CACNA1E: variants seen among roughly 807,000 people sequenced by gnomAD.
The protein encoded by CACNA1E is voltage-dependent R-type calcium channel subunit alpha-1E.
A neutral mutation model predicts 259.2 loss-of-function variants in CACNA1E; 40 were observed. That is an observed-to-expected ratio of 0.15 (90% CI 0.12 to 0.20). The LOEUF (loss-of-function observed/expected upper bound fraction) is 0.20. Among genes scored for constraint, CACNA1E ranks in the 10% least tolerant of loss-of-function variants. The pLI is 1.00. For missense variants in CACNA1E, 1,874 were observed against 3,040.1 expected, an observed-to-expected ratio of 0.62 and a Z score of 9.02; for synonymous variants, 1,104 against 1,138.5, an observed-to-expected ratio of 0.97 and a Z score of 0.61.
chr1:181,466,162 G>A (rs542910498), intron 2 of CACNA1E, among the ~76,000 whole-genome samples: 10 of 152,292 alleles, frequency 6.6e-5, no homozygotes, highest in Admixed American at 2.0e-4. Context: ...GTTCTTTAAG[G>A]GTTATAGCTT....
chr1:181,678,290 A>G (rs1260988224), intron 7 of CACNA1E, among the ~76,000 whole-genome samples: 1 of 152,164 alleles, frequency 6.6e-6, no homozygotes, highest in African/African-American at 2.4e-5. Flanking sequence ...TGGCTTTGAG[A>G]TTGGATATCA....
chr1:181,798,975 T>G lies in CACNA1E; in HGVS notation c.*141T>G. The G allele has an allele frequency of 2.7e-6, 2 of 730,122 alleles. No homozygotes were observed. The highest frequency in any genetic ancestry group is 4.1e-6 in the Non-Finnish European group (2 of 486,068). The allele number at this position is 730,122 out of a possible 1,614,324, so 45.2% of individuals were successfully genotyped here. A position where few individuals can be genotyped will look rare whatever the true frequency, so the allele number is the denominator to read the frequency against. On this transcript the variant is annotated 3_prime_UTR_variant, in exon 48 of 48. Coordinates refer to ENST00000367573, the MANE Select transcript of CACNA1E (RefSeq NM_001205293.3). This position sits in a 1 kb window ranked among gnomAD's most constrained non-coding sequence, Gnocchi z 4.2. ...CCATGCATTATCAGAGAAGAGGAAG[T>G]AAAGGACAATCAGAACACCAGTCAA...
At chr1:181,610,413 T>C (rs2103106970) in intron 6 of CACNA1E, among the ~76,000 whole-genome samples, 1 of 152,380 alleles carries the variant, frequency 6.6e-6, no homozygotes, top group African/African-American at 2.4e-5. Flanking sequence ...GCCCAAGTGC[T>C]ATGTCTTTGT....
chr1:181,776,640 G>A lies in CACNA1E; in HGVS notation c.5267+412G>A, dbSNP rs970506713. 3.9e-5 allele frequency among the ~76,000 whole-genome samples: 6 copies of A among 152,166 alleles called. No homozygotes were observed. The highest frequency in any genetic ancestry group is 7.3e-5 in the Non-Finnish European group (5 of 68,036). On this transcript the variant is annotated intron_variant, in intron 38 of 47. Coordinates refer to ENST00000367573, the MANE Select transcript of CACNA1E (RefSeq NM_001205293.3). This position sits in a 1 kb window ranked among gnomAD's most constrained non-coding sequence, Gnocchi z 4.4. ...TCAGTGACTGTGTTTTCTCTTTCTC[G>A]TTCCTCTCAACAGATACAGTTGGAT...
intron 1 of CACNA1E, among the ~76,000 whole-genome samples, chr1:181,349,718 T>A (rs1222925157): frequency 3.3e-5 from 5 of 151,766 alleles, no homozygotes; most frequent in Non-Finnish European, 7.4e-5. Context: ...CCAGGCTGCA[T>A]AGGGAGGACT....
At chr1:181,435,286 A>C (rs1199472998) in intron 2 of CACNA1E, among the ~76,000 whole-genome samples, 1 of 152,232 alleles carries the variant, frequency 6.6e-6, no homozygotes. Flanking sequence ...GGGAGGCAAT[A>C]TGCAGTTTTG....
At chr1:181,548,713 G>A (rs1647800351) in intron 3 of CACNA1E, among the ~76,000 whole-genome samples, 3 of 152,228 alleles carry the variant, frequency 2.0e-5, no homozygotes, top group Non-Finnish European at 4.4e-5. Flanking sequence ...CTGGGACTAA[G>A]GCCAGGCTAG....
At chr1:181,322,581 C>T (rs1027424249) in intron 1 of CACNA1E, among the ~76,000 whole-genome samples, 4 of 152,172 alleles carry the variant, frequency 2.6e-5, no homozygotes, top group Admixed American at 2.0e-4. Context: ...TTATGAATGT[C>T]ATCCTCATCC....
chr1:181,657,890 G>A lies in CACNA1E; in HGVS notation c.1055+6449G>A, dbSNP rs536193287. Among the ~76,000 whole-genome samples, 48 of 152,212 alleles carry A rather than the reference G, an allele frequency of 3.2e-4. No individual in the cohort carries two copies. The South Asian group carries it at 7.9e-3, about 25-fold the overall frequency. On this transcript the variant is annotated intron_variant, in intron 7 of 47. Transcript: ENST00000367573. Reference sequence around the variant, plus strand: ...GAGTGTTTGTTGGCATTCTTTGTTCGTGCCCAAGCACTGCTAGACGTTACT... The same window carrying A: ...GAGTGTTTGTTGGCATTCTTTGTTCATGCCCAAGCACTGCTAGACGTTACT...
At chr1:181,598,231 T>C (rs1653392115) in intron 6 of CACNA1E, among the ~76,000 whole-genome samples, 1 of 152,226 alleles carries the variant, frequency 6.6e-6, no homozygotes, top group African/African-American at 2.4e-5. Flanking sequence ...GGGCCCGTGT[T>C]AGGCATTGGA....
At chr1:181,729,116 G>T (rs1459083284) in intron 18 of CACNA1E, among the ~76,000 whole-genome samples, 1 of 126,588 alleles carries the variant, frequency 7.9e-6, no homozygotes, top group Admixed American at 7.8e-5. Flanking sequence ...TCGGGTGTGT[G>T]TGCCCTGCTC....
intron 32 of CACNA1E, among the ~76,000 whole-genome samples, chr1:181,762,245 T>C (rs927646377): frequency 7.2e-5 from 11 of 152,222 alleles, no homozygotes; most frequent in East Asian, 1.9e-4. Flanking sequence ...CATGCCTCCA[T>C]AGAGGTTTTT....
intron 6 of CACNA1E, among the ~76,000 whole-genome samples, chr1:181,587,952 T>G (rs938591370): frequency 6.6e-6 from 1 of 152,134 alleles, no homozygotes; most frequent in African/African-American, 2.4e-5. Flanking sequence ...GTCTGTGGAG[T>G]AAGTTGAGAA....
chr1:181,651,263 T>C (rs1181926275), intron 6 of CACNA1E, 75 bp from the exon 7 acceptor site: 8 of 947,018 alleles, frequency 8.4e-6, no homozygotes, highest in Non-Finnish European at 1.4e-5. Context: ...TCACCCTCTG[T>C]GCAGCTGCAA....
chr1:181,510,399 T>C (rs531702406), intron 1 of CACNA1E, 78 bp from the exon 2 acceptor site: 1 of 898,754 alleles, frequency 1.1e-6, no homozygotes, highest in African/African-American at 1.6e-5. Flanking sequence ...GTTGATAGAG[T>C]TGTGTGTTTA....
intron 2 of CACNA1E, among the ~76,000 whole-genome samples, chr1:181,417,085 C>T (rs557487688): frequency 6.6e-6 from 1 of 152,194 alleles, no homozygotes; most frequent in Non-Finnish European, 1.5e-5. Context: ...TTTCAAGCAT[C>T]CCACTGTGTG....
At chr1:181,564,596 G>C (rs1391565316) in intron 3 of CACNA1E, among the ~76,000 whole-genome samples, 1 of 152,118 alleles carries the variant, frequency 6.6e-6, no homozygotes, top group African/African-American at 2.4e-5. Flanking sequence ...TTGGTCTTTT[G>C]ACCTCTTCCT....
At chr1:181,356,438 C>T (rs2101902159) in intron 1 of CACNA1E, among the ~76,000 whole-genome samples, 1 of 152,222 alleles carries the variant, frequency 6.6e-6, no homozygotes, top group East Asian at 1.9e-4. Flanking sequence ...ATACTATTTC[C>T]CCTTCCCCTA....
chr1:181,721,027 C>T (rs572606319), intron 15 of CACNA1E, among the ~76,000 whole-genome samples, 172 bp downstream of exon 15: 21 of 152,336 alleles, frequency 1.4e-4, no homozygotes, highest in African/African-American at 4.6e-4. Context: ...CCTAGAACTT[C>T]TGTGGCTTTG....
Sources: allele counts gnomAD v4.1 joint callset (sites outside exome capture counted in the v4.1 genomes callset), GRCh38; gene constraint gnomAD v4.1.1; non-coding constraint Gnocchi (gnomAD v3.1); transcripts MANE v1.5; gene names NCBI Gene and HGNC (gene_info 2026-07-23, HGNC 2026-07-21).